CNTN4: variants seen among roughly 807,000 people sequenced by gnomAD.
CNTN4 encodes the protein contactin-4.
Under a neutral mutation model 122.5 loss-of-function variants are expected in CNTN4, and 77 were observed. The ratio of observed to expected loss-of-function variants is 0.63; its 90% CI spans 0.52 to 0.76. The LOEUF is 0.76. Ranked by LOEUF, CNTN4 falls within the 30% of genes least tolerant of loss-of-function variation. The pLI is 0.00. For synonymous variants in CNTN4, 512 were observed against 447.0 expected (o/e 1.15, Z -1.83); for missense variants, 1,256 against 1,259.1 (o/e 1.00, Z 0.04).
intron 2 of CNTN4, among the ~76,000 whole-genome samples, chr3:2,193,967 A>G (rs1384837822): frequency 6.6e-6 from 1 of 152,152 alleles, no homozygotes; most frequent in Non-Finnish European, 1.5e-5. Context: ...CAATGATAAA[A>G]TTGCTTAATG....
intron 13 of CNTN4, among the ~76,000 whole-genome samples, chr3:2,930,846 C>G (rs1473374297): frequency 2.0e-5 from 3 of 152,238 alleles, no homozygotes; most frequent in African/African-American, 7.2e-5. Context: ...CCTCACGGTG[C>G]TCATAGACTA....
intron 2 of CNTN4, among the ~76,000 whole-genome samples, chr3:2,112,425 C>G (rs181514850): frequency 7.2e-5 from 11 of 152,264 alleles, no homozygotes; most frequent in Middle Eastern, 6.8e-3. Flanking sequence ...TAAAACTTAG[C>G]AAGCATAACA....
chr3:2,668,762 A>G (rs1185473970), intron 4 of CNTN4, among the ~76,000 whole-genome samples: 11 of 152,272 alleles, frequency 7.2e-5, no homozygotes, highest in East Asian at 1.9e-4. Context: ...TTTGAGATAC[A>G]TCCCATCAAT....
chr3:2,322,538 GA>G (rs1294339123), intron 2 of CNTN4, among the ~76,000 whole-genome samples: 1 of 152,070 alleles, frequency 6.6e-6, no homozygotes, highest in African/African-American at 2.4e-5. Flanking sequence ...AGGGGCTGGG[GA>G]GTTATTTTTT....
chr3:2,411,047 A>G (rs1036684842), intron 3 of CNTN4, among the ~76,000 whole-genome samples: 1 of 152,210 alleles, frequency 6.6e-6, no homozygotes, highest in Non-Finnish European at 1.5e-5. Flanking sequence ...AGATGGTGTT[A>G]ATACACTCTC....
chr3:2,656,872 G>A (rs145408871), intron 4 of CNTN4, among the ~76,000 whole-genome samples: 73 of 152,308 alleles, frequency 4.8e-4, no homozygotes, highest in Middle Eastern at 6.8e-3. Flanking sequence ...TTTCATCTAA[G>A]TGGTTTGCCT....
At chr3:2,157,618 A>C (rs1230841743) in intron 2 of CNTN4, among the ~76,000 whole-genome samples, 1 of 152,206 alleles carries the variant, frequency 6.6e-6, no homozygotes, top group African/African-American at 2.4e-5. Context: ...GTGTTTTCTC[A>C]TCTACAAAAA....
intron 7 of CNTN4, among the ~76,000 whole-genome samples, chr3:2,826,177 C>T (rs2092984303): frequency 6.6e-6 from 1 of 152,130 alleles, no homozygotes. Flanking sequence ...AAACTGGAAA[C>T]ATGTACTGTA....
rs1023660896 is a variant in CNTN4 at position 2,258,502 on chromosome 3, A to C, written c.-144-80676A>C. 2.0e-5 allele frequency among the ~76,000 whole-genome samples: 3 copies of C among 152,176 alleles called. No homozygotes were observed. In the East Asian group the frequency reaches 5.8e-4, roughly 29 times the overall value. ...GTACATCTAGATAGTTGTTGGATGAAATATATTAACATTAGCTATTGCTTA... is the reference window on the plus strand; with the variant it reads ...GTACATCTAGATAGTTGTTGGATGACATATATTAACATTAGCTATTGCTTA... On this transcript the variant is annotated intron_variant, in intron 2 of 24. Transcript: ENST00000418658.
intron 3 of CNTN4, among the ~76,000 whole-genome samples, chr3:2,482,760 T>G (rs897971424): frequency 6.6e-6 from 1 of 152,198 alleles, no homozygotes; most frequent in Non-Finnish European, 1.5e-5. Context: ...AGCTTCCACA[T>G]GGTGTTGGTC....
intron 3 of CNTN4, among the ~76,000 whole-genome samples, chr3:2,475,188 G>A (rs892976233): frequency 6.6e-6 from 1 of 152,162 alleles, no homozygotes; most frequent in Non-Finnish European, 1.5e-5. Flanking sequence ...TTTTAAAGTT[G>A]TATCTGGGGT....
At chr3:2,731,224 G>A (rs927649479) in intron 4 of CNTN4, among the ~76,000 whole-genome samples, 2 of 152,044 alleles carry the variant, frequency 1.3e-5, no homozygotes, top group East Asian at 3.9e-4. Context: ...TGAAATCTGT[G>A]CTTTTTTCTG....
At chr3:2,612,124 ACACACACACACACAC>A (rs1248696313) in intron 4 of CNTN4, among the ~76,000 whole-genome samples, 3 of 93,634 alleles carry the variant, frequency 3.2e-5, no homozygotes, top group Admixed American at 1.3e-4. Flanking sequence ...ACACACACAC[ACACACACACACACAC>A]AACAGACAGA....
At chr3:2,867,690 G>T (rs2093739036) in intron 8 of CNTN4, among the ~76,000 whole-genome samples, 1 of 151,726 alleles carries the variant, frequency 6.6e-6, no homozygotes, top group African/African-American at 2.4e-5. Context: ...TTTCTTTAAA[G>T]ATGTCACTGT....
At chr3:3,007,017 T>G (rs1696721674) in intron 14 of CNTN4, among the ~76,000 whole-genome samples, 1 of 152,160 alleles carries the variant, frequency 6.6e-6, no homozygotes, top group Non-Finnish European at 1.5e-5. Flanking sequence ...CACTGTGTAG[T>G]TCCCTGAAAA....
chr3:2,413,068 A>G (rs977755552), intron 3 of CNTN4, among the ~76,000 whole-genome samples: 2 of 152,204 alleles, frequency 1.3e-5, no homozygotes, highest in African/African-American at 2.4e-5. Flanking sequence ...ACAGGATTCC[A>G]TATGATTCTA....
intron 3 of CNTN4, among the ~76,000 whole-genome samples, chr3:2,564,150 T>A (rs1265368612): frequency 1.3e-5 from 2 of 152,172 alleles, no homozygotes; most frequent in East Asian, 3.8e-4. Context: ...TTTCAAATTA[T>A]CATTGTTGAA....
intron 6 of CNTN4, among the ~76,000 whole-genome samples, chr3:2,763,090 T>C (rs1334700276): frequency 1.3e-5 from 2 of 152,038 alleles, no homozygotes; most frequent in East Asian, 1.9e-4. Flanking sequence ...TACAGGCACG[T>C]GCCACCACGC....
intron 2 of CNTN4, among the ~76,000 whole-genome samples, chr3:2,124,465 CACACACA>C (rs2034005529): frequency 6.7e-6 from 1 of 148,804 alleles, no homozygotes; most frequent in Non-Finnish European, 1.5e-5. Flanking sequence ...CACACACACA[CACACACA>C]CCCCCTTAAG....
Sources: allele counts gnomAD v4.1 joint callset (sites outside exome capture counted in the v4.1 genomes callset), GRCh38; gene constraint gnomAD v4.1.1; transcripts MANE v1.5; gene names NCBI Gene and HGNC (gene_info 2026-07-23, HGNC 2026-07-21).